The following SERGEF variants were observed in gnomAD, a reference collection of about 807,000 sequenced individuals.
SERGEF encodes secretion-regulating guanine nucleotide exchange factor.
In SERGEF, 51 loss-of-function variants were observed where a neutral mutation model predicts 50.0. The ratio of observed to expected loss-of-function variants is 1.02; its 90% CI spans 0.81 to 1.29. The LOEUF (loss-of-function observed/expected upper bound fraction) is 1.29. Ranked by LOEUF, SERGEF falls within the 50% of genes most tolerant of loss-of-function variation. The probability of loss-of-function intolerance (pLI) is 0.00; values close to 1 mark genes in which losing one functional copy is unlikely to be tolerated. For synonymous variants in SERGEF, 205 were observed against 212.4 expected (o/e 0.97, Z 0.30); for missense variants, 521 against 557.0 (o/e 0.94, Z 0.65).
At chr11:17,985,627 C>G (rs1172090488) in intron 8 of SERGEF, among the ~76,000 whole-genome samples, 1 of 152,166 alleles carries the variant, frequency 6.6e-6, no homozygotes, top group African/African-American at 2.4e-5. Context: ...TGCCAACTCT[C>G]CCAGATTAGA....
In SERGEF at chr11:18,000,445, T is replaced by C. The variant is rs1372570255; in HGVS notation, c.508+52A>G. The C allele has an allele frequency of 5.5e-5, 69 of 1,243,962 alleles. No homozygotes were observed. In the East Asian group the frequency reaches 1.8e-3, roughly 33 times the overall value. 77.1% of individuals were successfully genotyped at this position (1,243,962 alleles called of 1,614,324 possible). A position where few individuals can be genotyped will look rare whatever the true frequency, so the allele number is the denominator to read the frequency against. ...GCCTGGGCAACAGAGTGAGACCCCA[T>C]CTCTAAAAAGTATTAAAAATAAAAA... On this transcript the variant is annotated intron_variant, in intron 5 of 10. Coordinates refer to ENST00000265965, the MANE Select transcript of SERGEF (RefSeq NM_012139.4).
In SERGEF at chr11:17,873,622, A is replaced by G. The variant is rs147164124; in HGVS notation, c.1048+4586T>C. Among the ~76,000 whole-genome samples the G allele has an allele frequency of 1.8e-3, 278 of 152,156 alleles. 6 individuals carry two copies. The East Asian group carries it at 0.043, about 24-fold the overall frequency. On this transcript the variant is annotated intron_variant, in intron 10 of 10. Transcript: ENST00000265965. ...TGAAATGAAAAAAAAATCCATGCAT[A>G]TATTATAGCTCCAATTTAGTAAAAG...
At chr11:17,963,604 T>C (rs1853061344) in intron 8 of SERGEF, among the ~76,000 whole-genome samples, 1 of 152,072 alleles carries the variant, frequency 6.6e-6, no homozygotes. Context: ...CAGGCTGGAC[T>C]TGAACTCCTG....
chr11:17,858,005 A>G (rs192880873), intron 10 of SERGEF, among the ~76,000 whole-genome samples: 5 of 152,336 alleles, frequency 3.3e-5, no homozygotes, highest in Admixed American at 2.0e-4. Flanking sequence ...CTGATTATGC[A>G]GAGTGGAGGA....
intron 10 of SERGEF, among the ~76,000 whole-genome samples, chr11:17,875,531 G>A (rs1286321966): frequency 4.6e-5 from 7 of 152,206 alleles, no homozygotes; most frequent in Non-Finnish European, 8.8e-5. Flanking sequence ...CACAGCATTC[G>A]CTTCTATGTG....
At chr11:17,801,393 G>A (rs938726925) in intron 10 of SERGEF, among the ~76,000 whole-genome samples, 3 of 152,184 alleles carry the variant, frequency 2.0e-5, no homozygotes, top group Admixed American at 6.5e-5. Context: ...AGATTTAGGA[G>A]GCTACTGCAT....
intron 1 of SERGEF, among the ~76,000 whole-genome samples, chr11:18,011,283 C>T (rs1854190683): frequency 6.6e-6 from 1 of 152,134 alleles, no homozygotes; most frequent in Non-Finnish European, 1.5e-5. Context: ...TTTAAAGGGG[C>T]AATTAAGGTT....
chr11:17,877,752 CA>C (rs1851263700), intron 10 of SERGEF: 1 of 153,958 alleles, frequency 6.5e-6, no homozygotes. Context: ...GGTTTGAGTC[CA>C]ACTGGGAGTT....
chr11:17,963,732 AATTT>A (rs759112248), intron 8 of SERGEF, among the ~76,000 whole-genome samples: 19 of 152,168 alleles, frequency 1.2e-4, no homozygotes, highest in South Asian at 2.1e-4. Flanking sequence ...TATGTACATT[AATTT>A]ATTTATTAAA....
At chr11:17,997,872 A>G (rs1173786280) in intron 5 of SERGEF, among the ~76,000 whole-genome samples, 2 of 152,170 alleles carry the variant, frequency 1.3e-5, no homozygotes, top group Non-Finnish European at 2.9e-5. Flanking sequence ...GCCATGGGCC[A>G]GTGGAATGGG....
intron 10 of SERGEF, among the ~76,000 whole-genome samples, chr11:17,857,835 T>C (rs1850851505): frequency 6.6e-6 from 1 of 152,198 alleles, no homozygotes; most frequent in Non-Finnish European, 1.5e-5. Context: ...TTAATCGGGA[T>C]AGATTGAGCC....
intron 9 of SERGEF, among the ~76,000 whole-genome samples, chr11:17,920,558 T>A (rs569731436): frequency 5.3e-5 from 8 of 152,320 alleles, no homozygotes; most frequent in African/African-American, 1.9e-4. Flanking sequence ...GAATGCAACT[T>A]TCCCTAAATA....
At chr11:17,926,182 C>T (rs1287370255) in intron 9 of SERGEF, among the ~76,000 whole-genome samples, 4 of 150,098 alleles carry the variant, frequency 2.7e-5, no homozygotes, top group Admixed American at 2.0e-4. Context: ...GTTTTTTTTT[C>T]CCAATTGGGG....
At chr11:17,944,799 C>A (rs1234116912) in intron 9 of SERGEF, among the ~76,000 whole-genome samples, 2 of 152,180 alleles carry the variant, frequency 1.3e-5, no homozygotes, top group Admixed American at 1.3e-4. Context: ...TATTATACAG[C>A]CTCATAACAT....
chr11:17,800,423 C>T (rs1241294669), intron 10 of SERGEF, among the ~76,000 whole-genome samples: 1 of 152,112 alleles, frequency 6.6e-6, no homozygotes, highest in African/African-American at 2.4e-5. Flanking sequence ...AGTTTTGCTG[C>T]CCTAAAAATC....
chr11:17,826,068 A>G (rs1850186462), intron 10 of SERGEF, among the ~76,000 whole-genome samples: 2 of 152,338 alleles, frequency 1.3e-5, no homozygotes, highest in Non-Finnish European at 2.9e-5. Context: ...ACCAAAACAT[A>G]TATGTAATCT....
intron 8 of SERGEF, among the ~76,000 whole-genome samples, chr11:17,979,428 C>T (rs1322469445): frequency 6.6e-6 from 1 of 152,132 alleles, no homozygotes; most frequent in African/African-American, 2.4e-5. Context: ...GGCTCCAAGC[C>T]ACCACCACAG....
chr11:17,926,227 C>T (rs1017346259), intron 9 of SERGEF, among the ~76,000 whole-genome samples: 20 of 151,840 alleles, frequency 1.3e-4, no homozygotes, highest in South Asian at 2.1e-4. Context: ...AGATATCTAA[C>T]GACATCTCAG....
chr11:17,998,440 CATAT>C (rs60861006), intron 5 of SERGEF, among the ~76,000 whole-genome samples: 2,178 of 32,244 alleles, frequency 0.068, 28 homozygotes, highest in East Asian at 0.1. Flanking sequence ...TACATACATA[CATAT>C]ATATATATAT....
Sources: gnomAD v4.1 joint callset for allele counts (sites outside exome capture counted in the v4.1 genomes callset) on GRCh38, gnomAD v4.1.1 for gene constraint, MANE v1.5 for transcripts, NCBI Gene and HGNC (gene_info 2026-07-23, HGNC 2026-07-21) for gene names.